Variants in NICOL1 observed in about 807,000 individuals in gnomAD.
The protein encoded by NICOL1 is NELL2 interacting cell ontogeny regulator 1, also known as NELL2-interacting cell ontogeny regulator 1.
At chr4:2,038,159 TA>T in the NICOL1 span, among the ~76,000 whole-genome samples, 15,918 of 146,188 alleles carry the variant, frequency 0.11, 988 homozygotes, top group East Asian at 0.16. Flanking sequence ...GATTTGTAGT[TA>T]AAAAAATGAT....
At chr4:2,036,624 G>A in the NICOL1 span, among the ~76,000 whole-genome samples, 1 of 152,304 alleles carries the variant, frequency 6.6e-6, no homozygotes, top group Middle Eastern at 3.4e-3. Flanking sequence ...CATGTTCAGG[G>A]CGGCCCTCGA....
At chr4:2,043,923 C>T in the NICOL1 span, 1 of 1,548,300 alleles carries the variant, frequency 6.5e-7, no homozygotes, top group Non-Finnish European at 8.7e-7. Context: ...CAGCGGGGCA[C>T]TGAGGACCAC....
the NICOL1 span, among the ~76,000 whole-genome samples, chr4:2,040,405 C>T: frequency 1.3e-5 from 2 of 152,208 alleles, no homozygotes; most frequent in Admixed American, 6.5e-5. Flanking sequence ...CGCGACTGTC[C>T]GTGGGCGCTA....
the NICOL1 span, among the ~76,000 whole-genome samples, chr4:2,043,142 G>T: frequency 6.6e-6 from 1 of 152,324 alleles, no homozygotes; most frequent in Admixed American, 6.5e-5. Context: ...AGGACTGTCA[G>T]CCCAATCCAG....
chr4:2,043,432 C>T, the NICOL1 span, among the ~76,000 whole-genome samples: 2 of 152,278 alleles, frequency 1.3e-5, no homozygotes, highest in African/African-American at 2.4e-5. Flanking sequence ...CTGGTCCCAC[C>T]CCCCACCAGC....
At chr4:2,038,270 T>TATAC in the NICOL1 span, among the ~76,000 whole-genome samples, 1 of 132,134 alleles carries the variant, frequency 7.6e-6, no homozygotes, top group African/African-American at 2.7e-5. Flanking sequence ...TATATATATA[T>TATAC]ATATATATAT....
chr4:2,040,411 C>T, the NICOL1 span, among the ~76,000 whole-genome samples: 7 of 152,324 alleles, frequency 4.6e-5, no homozygotes, highest in South Asian at 1.0e-3. Context: ...TGTCCGTGGG[C>T]GCTAGGGGCA....
the NICOL1 span, among the ~76,000 whole-genome samples, chr4:2,037,108 TCC>T: frequency 1.3e-5 from 2 of 152,218 alleles, no homozygotes; most frequent in African/African-American, 4.8e-5. Context: ...GTGTAGCACT[TCC>T]CCCTTTGCTG....
the NICOL1 span, chr4:2,042,011 G>A: frequency 1.4e-6 from 2 of 1,470,770 alleles, no homozygotes; most frequent in Admixed American, 2.8e-5. Context: ...GTTGCGCGCC[G>A]GACGCGGAAC....
At chr4:2,040,447 G>T in the NICOL1 span, among the ~76,000 whole-genome samples, 2 of 152,134 alleles carry the variant, frequency 1.3e-5, no homozygotes, top group African/African-American at 4.8e-5. Flanking sequence ...GGTCGCGAGC[G>T]GGCGCAGCGT....
At chr4:2,043,899 G>A in the NICOL1 span, 4 of 1,549,514 alleles carry the variant, frequency 2.6e-6, no homozygotes, top group East Asian at 9.8e-5. Flanking sequence ...GCCGTGCCCT[G>A]TGTGCCTGCT....
the NICOL1 span, chr4:2,042,050 C>T: frequency 2.0e-6 from 3 of 1,476,516 alleles, no homozygotes; most frequent in Middle Eastern, 1.9e-4. Flanking sequence ...GCTGCTGGTC[C>T]CGGGGTCCCT....
chr4:2,042,469 G>C, the NICOL1 span: 1 of 423,046 alleles, frequency 2.4e-6, no homozygotes, highest in Non-Finnish European at 4.1e-6. Context: ...CGCCGGGAGT[G>C]CCGTCCCCGC....
chr4:2,042,865 G>C, the NICOL1 span: 1 of 1,359,492 alleles, frequency 7.4e-7, no homozygotes, highest in South Asian at 1.4e-5. Flanking sequence ...GGCTTCCCAG[G>C]GGGTGGGGAG....
At chr4:2,039,377 G>A in the NICOL1 span, among the ~76,000 whole-genome samples, 3 of 151,490 alleles carry the variant, frequency 2.0e-5, no homozygotes, top group Admixed American at 2.0e-4. Flanking sequence ...TTGCACCACT[G>A]TACTCTAGCC....
At chr4:2,036,580 C>A in the NICOL1 span, among the ~76,000 whole-genome samples, 36 of 152,244 alleles carry the variant, frequency 2.4e-4, no homozygotes, top group Middle Eastern at 3.4e-3. Context: ...TCAGTGTTGA[C>A]GGAAGCTGAA....
At chr4:2,040,116 ATAT>A in the NICOL1 span, among the ~76,000 whole-genome samples, 2 of 151,954 alleles carry the variant, frequency 1.3e-5, no homozygotes, top group Admixed American at 1.3e-4. Flanking sequence ...ATATATATAT[ATAT>A]TTTTTGAGAT....
At chr4:2,036,661 T>C in the NICOL1 span, among the ~76,000 whole-genome samples, 3 of 152,306 alleles carry the variant, frequency 2.0e-5, no homozygotes, top group African/African-American at 7.2e-5. Flanking sequence ...AAATCCTCCC[T>C]GTGGGTATAA....
At chr4:2,036,839 G>A in the NICOL1 span, among the ~76,000 whole-genome samples, 6 of 152,068 alleles carry the variant, frequency 3.9e-5, no homozygotes, top group African/African-American at 1.4e-4. Context: ...GTGTGTGGAC[G>A]AACAACAGGA....
Sources: gnomAD v4.1 joint callset for allele counts (sites outside exome capture counted in the v4.1 genomes callset) on GRCh38, gnomAD v4.1.1 for gene constraint, MANE v1.5 for transcripts, NCBI Gene and HGNC (gene_info 2026-07-23, HGNC 2026-07-21) for gene names.